GRID2: variants seen among roughly 807,000 people sequenced by gnomAD.
GRID2 encodes the protein glutamate receptor ionotropic, delta-2.
GRID2 carries 33 observed loss-of-function variants against 114.8 expected under a neutral mutation model. The observed-to-expected ratio is 0.29, with a 90% CI of 0.22 to 0.38. The LOEUF is 0.38. GRID2 is among the 10% of genes least tolerant of loss of function. The pLI, the probability that GRID2 is intolerant of heterozygous loss-of-function variation, is 1.00. For synonymous variants in GRID2, 505 were observed against 449.9 expected (o/e 1.12, Z -1.55); for missense variants, 1,184 against 1,257.7 (o/e 0.94, Z 0.89).
intron 9 of GRID2, among the ~76,000 whole-genome samples, chr4:93,404,640 G>A (rs1766232622): frequency 6.6e-6 from 1 of 152,142 alleles, no homozygotes; most frequent in African/African-American, 2.4e-5. Flanking sequence ...TGAAAAGTGT[G>A]ATATGTGTCC....
chr4:93,316,343 G>GAAAGAAAGAAA lies in GRID2; in HGVS notation c.1245+77853_1245+77854insAAAGAAAGAAA, dbSNP rs1560491069. 7.1e-3 allele frequency among the ~76,000 whole-genome samples: 393 copies of GAAAGAAAGAAA among 54,990 alleles called. 1 individual carries two copies. Among genetic ancestry groups the GAAAGAAAGAAA allele is most frequent in the Non-Finnish European group, 0.011 (275 of 24,150 alleles). 36.1% of individuals were successfully genotyped at this position (54,990 alleles called of 152,430 possible). A position where few individuals can be genotyped will look rare whatever the true frequency, so the allele number is the denominator to read the frequency against. On this transcript the variant is annotated intron_variant, in intron 8 of 15. Transcript: ENST00000282020. ...AAGAAAGAAAGAAAGAAAGAAAGAAGGAAGGAAGGAAGGAAGGAAAAGAAA... is the reference window on the plus strand; with the variant it reads ...AAGAAAGAAAGAAAGAAAGAAAGAAGAAAGAAAGAAAGAAGGAAGGAAGGAAGGAAAAGAAA...
At chr4:93,541,206 CA>C (rs1471686285) in intron 13 of GRID2, among the ~76,000 whole-genome samples, 4 of 152,224 alleles carry the variant, frequency 2.6e-5, no homozygotes, top group African/African-American at 9.6e-5. Context: ...TCCCAAAAGG[CA>C]CTTAGTACAT....
chr4:93,314,130 C>G (rs971687616), intron 8 of GRID2, among the ~76,000 whole-genome samples: 1 of 151,748 alleles, frequency 6.6e-6, no homozygotes. Context: ...CATAGTGAAA[C>G]CCCATCCCTA....
chr4:92,388,407 C>G, intron 1 of GRID2, among the ~76,000 whole-genome samples: 1 of 151,980 alleles, frequency 6.6e-6, no homozygotes, highest in East Asian at 1.9e-4. Context: ...CTCTGGTGAG[C>G]TACCACCTCA....
chr4:93,701,155 G>T (rs1045913180), intron 14 of GRID2, among the ~76,000 whole-genome samples: 3 of 152,110 alleles, frequency 2.0e-5, no homozygotes, highest in Non-Finnish European at 4.4e-5. Flanking sequence ...TATTAAATAT[G>T]TTTTATTCCT....
intron 9 of GRID2, among the ~76,000 whole-genome samples, chr4:93,399,594 G>A (rs1019663740): frequency 1.3e-5 from 2 of 152,072 alleles, no homozygotes; most frequent in Non-Finnish European, 2.9e-5. Context: ...AGGCATGGGA[G>A]GAAGCATTAT....
rs139805902 is a variant in GRID2, at chr4:93,009,596, T to G, written c.245-75399T>G. Among the ~76,000 whole-genome samples the G allele has an allele frequency of 6.7e-4, 102 of 152,248 alleles. 1 individual carries two copies. The highest frequency in any genetic ancestry group is 2.3e-3 in the African/African-American group (96 of 41,570). ...AGTAATTTGAATTAAATCTCCTATT[T>G]ATTCTAACATATGTAGTTGAAGTCC... On this transcript the variant is annotated intron_variant, in intron 2 of 15. Coordinates refer to ENST00000282020, the MANE Select transcript of GRID2 (RefSeq NM_001510.4).
At chr4:92,622,480 A>T (rs1370459649) in intron 2 of GRID2, among the ~76,000 whole-genome samples, 1 of 151,730 alleles carries the variant, frequency 6.6e-6, no homozygotes, top group Non-Finnish European at 1.5e-5. Context: ...TTTCTGTACA[A>T]GAGAGTAATA....
chr4:93,226,182 C>A (rs1381079441), intron 7 of GRID2, among the ~76,000 whole-genome samples: 3 of 152,136 alleles, frequency 2.0e-5, no homozygotes, highest in Non-Finnish European at 4.4e-5. Context: ...TTCATTCTAT[C>A]CCTATAGTTC....
intron 2 of GRID2, among the ~76,000 whole-genome samples, chr4:92,684,938 G>A (rs1003931558): frequency 2.0e-5 from 3 of 151,974 alleles, no homozygotes; most frequent in Non-Finnish European, 4.4e-5. Flanking sequence ...GAATGATAGT[G>A]TCTGACATGA....
At chr4:93,275,992 T>C (rs1438545795) in intron 8 of GRID2, among the ~76,000 whole-genome samples, 4 of 151,984 alleles carry the variant, frequency 2.6e-5, no homozygotes, top group African/African-American at 9.7e-5. Flanking sequence ...TTTTCTGTGC[T>C]TAGAACTTTT....
At chr4:92,593,810 G>A (rs1728819363) in intron 2 of GRID2, among the ~76,000 whole-genome samples, 1 of 150,032 alleles carries the variant, frequency 6.7e-6, no homozygotes, top group African/African-American at 2.5e-5. Flanking sequence ...ATTAACTAAG[G>A]GCAAATACAT....
Position 92,954,489 on chromosome 4 carries a change from C to T in GRID2, c.245-130506C>T, listed in dbSNP as rs537212503. Among the ~76,000 whole-genome samples the T allele has an allele frequency of 4.2e-3, 632 of 151,894 alleles. 3 individuals are homozygous for T. Among genetic ancestry groups the T allele is most frequent in the Non-Finnish European group, 7.4e-3 (500 of 67,946 alleles). ...TCGCCCAGACTGGAGTGCAGTGGAG[C>T]GATCTCGACTCACTGCAAGCTCCAC... On this transcript the variant is annotated intron_variant, in intron 2 of 15. Coordinates refer to ENST00000282020, the MANE Select transcript of GRID2 (RefSeq NM_001510.4).
intron 1 of GRID2, among the ~76,000 whole-genome samples, chr4:92,536,000 T>C (rs1725604060): frequency 6.6e-6 from 1 of 152,166 alleles, no homozygotes; most frequent in African/African-American, 2.4e-5. Context: ...TAGCTCATTG[T>C]TACAGCTCAT....
intron 8 of GRID2, among the ~76,000 whole-genome samples, chr4:93,263,147 A>G (rs991278849): frequency 2.0e-5 from 3 of 151,934 alleles, no homozygotes; most frequent in African/African-American, 7.2e-5. Context: ...AGTATTTTTA[A>G]TCAATTTTTC....
intron 13 of GRID2, among the ~76,000 whole-genome samples, chr4:93,601,639 A>C (rs1739694653): frequency 6.6e-6 from 1 of 152,202 alleles, no homozygotes; most frequent in Non-Finnish European, 1.5e-5. Flanking sequence ...CTAAAATATT[A>C]CTTGTAAAAT....
chr4:93,446,810 T>C (rs72668728), intron 10 of GRID2, among the ~76,000 whole-genome samples: 6,821 of 152,006 alleles, frequency 0.045, 295 homozygotes, highest in African/African-American at 0.11. Flanking sequence ...ACCATCAACA[T>C]GTGAGTTTTG....
chr4:92,424,874 A>G (rs1732080886), intron 1 of GRID2, among the ~76,000 whole-genome samples: 1 of 151,988 alleles, frequency 6.6e-6, no homozygotes, highest in African/African-American at 2.4e-5. Flanking sequence ...GTTGCTTGTA[A>G]CCAGAGGAGC....
chr4:92,920,599 A>C (rs1012468664), intron 2 of GRID2, among the ~76,000 whole-genome samples: 8 of 152,004 alleles, frequency 5.3e-5, no homozygotes, highest in Admixed American at 4.6e-4. Context: ...TTTCTTCTTC[A>C]CTTATGAGGC....
Sources: allele counts gnomAD v4.1 joint callset (sites outside exome capture counted in the v4.1 genomes callset), GRCh38; gene constraint gnomAD v4.1.1; transcripts MANE v1.5; gene names NCBI Gene and HGNC (gene_info 2026-07-23, HGNC 2026-07-21).